Variants in ZNF106 observed in about 807,000 individuals in gnomAD.
The protein encoded by ZNF106 is zinc finger protein 106, also known as SH3-domain binding protein 3.
ZNF106 carries 67 observed loss-of-function variants against 195.1 expected under a neutral mutation model. That is an observed-to-expected ratio of 0.34 (90% CI 0.28 to 0.42). The LOEUF (loss-of-function observed/expected upper bound fraction) is 0.42, where lower values mean the gene tolerates loss of function less well. ZNF106 is among the 10% of genes least tolerant of loss of function. The probability of loss-of-function intolerance (pLI) is 1.00; values close to 1 mark genes in which losing one functional copy is unlikely to be tolerated. For missense variants in ZNF106, 2,118 were observed against 2,304.5 expected (o/e 0.92, Z 1.66); for synonymous variants, 784 against 818.6 (o/e 0.96, Z 0.72).
intron 10 of ZNF106, among the ~76,000 whole-genome samples, chr15:42,440,031 T>C (rs1484103866): frequency 1.3e-5 from 2 of 152,238 alleles, no homozygotes; most frequent in Admixed American, 1.3e-4. Context: ...GTGTGTCTTA[T>C]TCCCTACAAA....
rs542719213 is a variant in ZNF106, at chr15:42,450,186, A to G, written c.2086T>C (p.Ser696Pro). The change falls in exon 5 of 22, where the codon TCT becomes CCT. Residue 696 changes from serine to proline, a missense_variant. Ser to Pro is a moderately conservative substitution (Grantham distance 74). Coordinates refer to ENST00000564754, the MANE Select transcript of ZNF106 (RefSeq NM_001366845.3). ...HPGLLLDLKT[S>P]LEDAQVDDSI... ...TCATCAACCTGTGCATCTTCTAGAGAGGTTTTCAAGTCTAGCAATAAGCCA... is the reference window on the plus strand; with the variant it reads ...TCATCAACCTGTGCATCTTCTAGAGGGGTTTTCAAGTCTAGCAATAAGCCA... 6.2e-6 allele frequency: 10 copies of G among 1,614,172 alleles called. No homozygotes were observed. In the East Asian group the frequency reaches 2.0e-4, roughly 32 times the overall value.
intron 1 of ZNF106, among the ~76,000 whole-genome samples, chr15:42,484,956 C>G (rs2056978959): frequency 6.6e-6 from 1 of 152,102 alleles, no homozygotes. Context: ...TCCAGGAGTT[C>G]AAGACCAGTC....
intron 9 of ZNF106, among the ~76,000 whole-genome samples, chr15:42,443,880 G>A (rs532144900): frequency 6.6e-6 from 1 of 152,194 alleles, no homozygotes; most frequent in East Asian, 1.9e-4. Context: ...GCTGAGGCAG[G>A]CGGATCACCT....
In ZNF106 at chr15:42,450,690, T is replaced by C. The variant is rs1487990042; in HGVS notation, c.1582A>G (p.Lys528Glu). The C allele has an allele frequency of 1.9e-6, 3 of 1,614,202 alleles. No individual in the cohort carries two copies. The Admixed American group carries it at 5.0e-5, about 27-fold the overall frequency. Residue 528 changes from lysine to glutamate, a missense_variant, in exon 5 of 22, where the codon AAA becomes GAA. Coordinates refer to ENST00000564754, the MANE Select transcript of ZNF106 (RefSeq NM_001366845.3). Reference sequence around the variant, plus strand: ...ACATGAGGACATGAACTACGCAGTTTGGATATGTAAGGACCATGGTTATCT... The same window carrying C: ...ACATGAGGACATGAACTACGCAGTTCGGATATGTAAGGACCATGGTTATCT... ...VEDNHGPYISKLRSSCPHVLK... is the reference protein window; with the variant it reads ...VEDNHGPYISELRSSCPHVLK...
At chr15:42,479,728 G>C (rs1400352927) in intron 1 of ZNF106, among the ~76,000 whole-genome samples, 1 of 152,084 alleles carries the variant, frequency 6.6e-6, no homozygotes, top group Non-Finnish European at 1.5e-5. Flanking sequence ...TATAATCCCA[G>C]CTACTCGGGA....
At chr15:42,481,055 C>T (rs1423936787) in intron 1 of ZNF106, among the ~76,000 whole-genome samples, 1 of 152,108 alleles carries the variant, frequency 6.6e-6, no homozygotes, top group Non-Finnish European at 1.5e-5. Context: ...TTTACCCTCA[C>T]CCATCATCCC....
chr15:42,424,354 C>G (rs2054777066), intron 16 of ZNF106: 1 of 347,526 alleles, frequency 2.9e-6, no homozygotes, highest in African/African-American at 2.1e-5. Context: ...CTCATTGTTT[C>G]TCAAATGAAA....
intron 1 of ZNF106, among the ~76,000 whole-genome samples, chr15:42,481,654 C>T (rs551700769): frequency 1.8e-3 from 269 of 152,192 alleles, no homozygotes; most frequent in African/African-American, 6.3e-3. Flanking sequence ...CCACTACACC[C>T]GGTCCCATAT....
intron 19 of ZNF106, 145 bp downstream of exon 19, chr15:42,421,772 C>T (rs2141260674): frequency 1.9e-6 from 1 of 537,184 alleles, no homozygotes; most frequent in Non-Finnish European, 3.1e-6. Flanking sequence ...AACACTGTCC[C>T]CTGGTTACTT....
intron 14 of ZNF106, among the ~76,000 whole-genome samples, chr15:42,433,522 G>T (rs1441982995): frequency 7.2e-6 from 1 of 139,804 alleles, no homozygotes; most frequent in Non-Finnish European, 1.5e-5. Flanking sequence ...TTGCTCTGTC[G>T]CCCAGGCTGG....
intron 1 of ZNF106, among the ~76,000 whole-genome samples, chr15:42,478,656 C>T (rs2056837175): frequency 6.6e-6 from 1 of 151,774 alleles, no homozygotes; most frequent in Non-Finnish European, 1.5e-5. Context: ...GCTTTACAGG[C>T]ACCTGCCACC....
At chr15:42,476,995 T>G (rs980980055) in intron 1 of ZNF106, among the ~76,000 whole-genome samples, 4 of 152,184 alleles carry the variant, frequency 2.6e-5, no homozygotes, top group Admixed American at 6.6e-5. Context: ...GTTAAGTTTT[T>G]GGGGGAGTCA....
chr15:42,437,914 A>AAAG (rs2055347642), intron 12 of ZNF106, among the ~76,000 whole-genome samples: 1 of 152,024 alleles, frequency 6.6e-6, no homozygotes, highest in African/African-American at 2.4e-5. Flanking sequence ...AAAAAAAAAA[A>AAAG]AAAAAGAAAA....
chr15:42,431,810 C>T (rs1261394791), intron 14 of ZNF106, among the ~76,000 whole-genome samples: 1 of 152,004 alleles, frequency 6.6e-6, no homozygotes, highest in Admixed American at 6.6e-5. Context: ...GATGTGGTTT[C>T]GCCATGTTGG....
chr15:42,441,328 G>A (rs1459347100), intron 10 of ZNF106, among the ~76,000 whole-genome samples: 1 of 151,780 alleles, frequency 6.6e-6, no homozygotes, highest in Admixed American at 6.6e-5. Context: ...GAGTGTCAGA[G>A]TGAGACTCTG....
chr15:42,452,024 C>T (rs769663982), intron 4 of ZNF106, 70 bp from the exon 5 acceptor site: 2 of 1,497,962 alleles, frequency 1.3e-6, no homozygotes, highest in African/African-American at 1.4e-5. Context: ...GCATAACCCA[C>T]CAAACTTCCC....
At chr15:42,442,710 G>T (rs898558742) in intron 9 of ZNF106, among the ~76,000 whole-genome samples, 3 of 149,728 alleles carry the variant, frequency 2.0e-5, no homozygotes, top group Non-Finnish European at 4.4e-5. Flanking sequence ...TTGACCTCCT[G>T]GACTCAAGCA....
At position 42,444,980 on chromosome 15, in the gene ZNF106, T is replaced by G. The variant is rs1298250712; in HGVS notation, c.3207A>C (p.Glu1069Asp). Residue 1069 changes from glutamate to aspartate, a missense_variant and splice_region_variant, in exon 8 of 22, where the codon GAA (glutamate) becomes GAC (aspartate). Physicochemically the swap from Glu to Asp is conservative, Grantham distance 45 (BLOSUM62 2). Coordinates refer to ENST00000564754, the MANE Select transcript of ZNF106 (RefSeq NM_001366845.3). ...TCAGCAGCTGGTCAACCTGAGAACGTTCTGCCAAAAGAAATCATAAGGTTC... is the reference window on the plus strand; with the variant it reads ...TCAGCAGCTGGTCAACCTGAGAACGGTCTGCCAAAAGAAATCATAAGGTTC... ...NKRRKIKGKK[E>D]RSQVDQLLNI... 17 of 1,613,968 alleles carry G rather than the reference T, an allele frequency of 1.1e-5. No homozygotes were observed. The highest frequency in any genetic ancestry group is 1.4e-5 in the Non-Finnish European group (16 of 1,179,970).
chr15:42,452,148 A>C (rs991468270), intron 4 of ZNF106, among the ~76,000 whole-genome samples, 194 bp from the exon 5 acceptor site: 3 of 152,182 alleles, frequency 2.0e-5, no homozygotes, highest in African/African-American at 7.2e-5. Flanking sequence ...TCAACTTATT[A>C]ATTTAAAAAT....
Sources: gnomAD v4.1 joint callset for allele counts (sites outside exome capture counted in the v4.1 genomes callset) on GRCh38, gnomAD v4.1.1 for gene constraint, MANE v1.5 for transcripts, NCBI Gene and HGNC (gene_info 2026-07-23, HGNC 2026-07-21) for gene names.